The following NTRK2 variants were observed in gnomAD, a reference collection of about 807,000 sequenced individuals.
NTRK2 encodes the protein neurotrophic receptor tyrosine kinase 2, also known as BDNF/NT-3 growth factors receptor.
NTRK2 carries 13 observed loss-of-function variants against 94.5 expected under a neutral mutation model. The observed-to-expected ratio is 0.14, with a 90% CI of 0.09 to 0.22. The LOEUF (loss-of-function observed/expected upper bound fraction) is 0.22. Among genes scored for constraint, NTRK2 ranks in the 10% least tolerant of loss-of-function variants. The probability of loss-of-function intolerance (pLI) is 1.00; values close to 1 mark genes in which losing one functional copy is unlikely to be tolerated. For synonymous variants in NTRK2, 372 were observed against 407.4 expected (o/e 0.91, Z 1.05); for missense variants, 639 against 1,071.2 (o/e 0.60, Z 5.63).
At chr9:84,895,544 T>G (rs1293183290) in intron 14 of NTRK2, among the ~76,000 whole-genome samples, 1 of 152,208 alleles carries the variant, frequency 6.6e-6, no homozygotes, top group Non-Finnish European at 1.5e-5. Flanking sequence ...AGGGCCTGGC[T>G]GTGGGGCTCC....
At chr9:84,979,428 C>G (rs1158866420) in intron 17 of NTRK2, among the ~76,000 whole-genome samples, 2 of 152,094 alleles carry the variant, frequency 1.3e-5, no homozygotes, top group Non-Finnish European at 2.9e-5. Flanking sequence ...AGAAGTGGAG[C>G]CTGGAGATGT....
At chr9:84,928,571 A>G (rs1269678268) in intron 14 of NTRK2, among the ~76,000 whole-genome samples, 1 of 152,130 alleles carries the variant, frequency 6.6e-6, no homozygotes, top group Non-Finnish European at 1.5e-5. Context: ...TCAGAGTCCA[A>G]GGGTTGCTTT....
intron 12 of NTRK2, chr9:84,814,195 A>G (rs1588782736): frequency 9.4e-7 from 1 of 1,065,710 alleles, no homozygotes; most frequent in African/African-American, 1.6e-5. Context: ...AACACAGAAC[A>G]CAGGAGTTTG....
At chr9:84,683,596 G>A (rs1410731297) in intron 2 of NTRK2, among the ~76,000 whole-genome samples, 2 of 152,066 alleles carry the variant, frequency 1.3e-5, no homozygotes, top group African/African-American at 2.4e-5. Context: ...ATCATTGATG[G>A]GCATTTTGGT....
chr9:84,918,872 C>G (rs1216541928), intron 14 of NTRK2, among the ~76,000 whole-genome samples: 1 of 152,210 alleles, frequency 6.6e-6, no homozygotes, highest in Non-Finnish European at 1.5e-5. Flanking sequence ...GCTTGTTTCT[C>G]TGCTTCTGGG....
chr9:84,919,796 T>G (rs2077505981), intron 14 of NTRK2, among the ~76,000 whole-genome samples: 1 of 152,204 alleles, frequency 6.6e-6, no homozygotes, highest in Admixed American at 6.5e-5. Flanking sequence ...TTATTGTACA[T>G]TTCATTGTTC....
At chr9:84,987,023 G>T (rs545078078) in intron 17 of NTRK2, among the ~76,000 whole-genome samples, 52 of 151,566 alleles carry the variant, frequency 3.4e-4, no homozygotes, top group Middle Eastern at 3.4e-3. Context: ...GCTGAGGGAG[G>T]GTAGAAAATC....
intron 9 of NTRK2, among the ~76,000 whole-genome samples, chr9:84,732,441 T>C (rs1285483752): frequency 6.6e-6 from 1 of 152,200 alleles, no homozygotes; most frequent in Non-Finnish European, 1.5e-5. Flanking sequence ...TTAAGGTCCC[T>C]AGTGATTCTA....
At chr9:85,008,144 A>G (rs897872218) in intron 17 of NTRK2, among the ~76,000 whole-genome samples, 2 of 151,898 alleles carry the variant, frequency 1.3e-5, no homozygotes, top group Non-Finnish European at 2.9e-5. Context: ...CTGTTAGCAG[A>G]AGGGAACTGA....
chr9:84,802,807 G>C (rs2070656259), intron 12 of NTRK2, among the ~76,000 whole-genome samples: 1 of 152,168 alleles, frequency 6.6e-6, no homozygotes, highest in South Asian at 2.1e-4. Context: ...TGTGCATAGT[G>C]ATCTGCCGTT....
chr9:84,896,665 T>C lies in NTRK2; in HGVS notation c.1633+29234T>C, dbSNP rs76127036. On this transcript the variant is annotated intron_variant, in intron 14 of 18. Transcript: ENST00000277120. ...AATCAAAATTTTAACAAAATGCTTT[T>C]TTCCCCTATGGCTTACGACTGTACT... Among the ~76,000 whole-genome samples, 777 of 152,330 alleles carry C rather than the reference T, an allele frequency of 5.1e-3. 9 individuals carry two copies. Among genetic ancestry groups the C allele is most frequent in the African/African-American group, 0.017 (711 of 41,574 alleles).
At chr9:84,865,286 T>G (rs192339298) in intron 13 of NTRK2, among the ~76,000 whole-genome samples, 2 of 152,134 alleles carry the variant, frequency 1.3e-5, no homozygotes, top group Admixed American at 1.3e-4. Flanking sequence ...GTTTGCAGAA[T>G]TGAGCCGGAG....
chr9:84,707,038 A>C (rs1420767099), intron 4 of NTRK2, among the ~76,000 whole-genome samples: 1 of 152,252 alleles, frequency 6.6e-6, no homozygotes, highest in Non-Finnish European at 1.5e-5. Context: ...ACAGTAAACA[A>C]ATTCGCAGAG....
rs71369159 is a variant in NTRK2, at chr9:84,888,982, A to ATTTTTTTTTTTTTTTT, written c.1633+21562_1633+21577dup. Reference sequence around the variant, plus strand: ...TCCCCATTATTTATTAATGACAGAAATTTTTTTTTTTTTTTTTTTTTTTTT... The same window carrying ATTTTTTTTTTTTTTTT: ...TCCCCATTATTTATTAATGACAGAAATTTTTTTTTTTTTTTTTTTTTTTTTTTTTTTTTTTTTTTTT... On this transcript the variant is annotated intron_variant, in intron 14 of 18. Coordinates refer to ENST00000277120, the MANE Select transcript of NTRK2 (RefSeq NM_006180.6). 1.3e-3 allele frequency among the ~76,000 whole-genome samples: 128 copies of ATTTTTTTTTTTTTTTT among 101,704 alleles called. 37 individuals are homozygous for ATTTTTTTTTTTTTTTT. The highest frequency in any genetic ancestry group is 9.7e-3 in the Middle Eastern group (2 of 206). The allele number at this position is 101,704 out of a possible 152,430, so 66.7% of individuals were successfully genotyped here.
At chr9:84,892,663 G>A (rs1326004400) in intron 14 of NTRK2, among the ~76,000 whole-genome samples, 1 of 152,214 alleles carries the variant, frequency 6.6e-6, no homozygotes, top group Non-Finnish European at 1.5e-5. Context: ...GCTCACGCCT[G>A]CAATCCCAAC....
intron 16 of NTRK2, among the ~76,000 whole-genome samples, chr9:84,951,019 C>A (rs949671912): frequency 2.6e-5 from 4 of 152,198 alleles, no homozygotes; most frequent in African/African-American, 9.7e-5. Flanking sequence ...TCAGACACTG[C>A]AGTTTAAGTA....
At chr9:84,907,564 T>C (rs572563847) in intron 14 of NTRK2, among the ~76,000 whole-genome samples, 3 of 152,280 alleles carry the variant, frequency 2.0e-5, no homozygotes, top group Admixed American at 6.5e-5. Flanking sequence ...TCCCAAAAGC[T>C]CTGCTTAATT....
At chr9:84,978,317 G>T (rs978945057) in intron 17 of NTRK2, among the ~76,000 whole-genome samples, 2 of 152,220 alleles carry the variant, frequency 1.3e-5, no homozygotes, top group African/African-American at 4.8e-5. Context: ...ACACATGAAT[G>T]ACAAGAAAGC....
chr9:84,914,815 G>A (rs1407248169), intron 14 of NTRK2, among the ~76,000 whole-genome samples: 2 of 152,122 alleles, frequency 1.3e-5, no homozygotes, highest in African/African-American at 4.8e-5. Context: ...GAAAATCCAG[G>A]GAATTCACCA....
Sources: gnomAD v4.1 joint callset for allele counts (sites outside exome capture counted in the v4.1 genomes callset) on GRCh38, gnomAD v4.1.1 for gene constraint, MANE v1.5 for transcripts, NCBI Gene and HGNC (gene_info 2026-07-23, HGNC 2026-07-21) for gene names.